Variants in LSM6 observed in about 807,000 individuals in gnomAD.
LSM6 encodes LSM6 homolog, U6 small nuclear RNA and mRNA degradation associated.
A neutral mutation model predicts 13.5 loss-of-function variants in LSM6; 2 were observed. The ratio of observed to expected loss-of-function variants is 0.15; its 90% CI spans 0.06 to 0.47. LSM6 has a LOEUF of 0.47. Ranked by LOEUF, LSM6 falls within the 20% of genes least tolerant of loss-of-function variation. The pLI is 0.97. For missense variants in LSM6, 58 were observed against 96.4 expected, an observed-to-expected ratio of 0.60 and a Z score of 1.67; for synonymous variants, 43 against 34.9, an observed-to-expected ratio of 1.23 and a Z score of -0.82.
chr4:146,178,516 T>G lies in LSM6; in HGVS notation c.-11+2705T>G, dbSNP rs539067181. Among the ~76,000 whole-genome samples, 6 of 152,360 alleles carry G rather than the reference T, an allele frequency of 3.9e-5. No homozygotes were observed. In the South Asian group the frequency reaches 1.2e-3, roughly 32 times the overall value. On this transcript the variant is annotated intron_variant, in intron 1 of 3. Transcript: ENST00000296581. ...CCTATCTGATCGCCTCCTCAGACAC[T>G]GATCTATTAGTCTAGTGCTGCAATT... is the stretch of plus-strand genomic sequence containing the variant.
At chr4:146,182,248 G>A (rs1398219381) in intron 1 of LSM6, among the ~76,000 whole-genome samples, 2 of 152,108 alleles carry the variant, frequency 1.3e-5, no homozygotes, top group African/African-American at 4.8e-5. Flanking sequence ...AAAGTTCTTG[G>A]AAAAGTGCTG....
chr4:146,180,004 G>C (rs975436791), intron 1 of LSM6, among the ~76,000 whole-genome samples: 11 of 152,192 alleles, frequency 7.2e-5, no homozygotes, highest in African/African-American at 2.7e-4. Context: ...ACAGCTCCCT[G>C]CCGCAGAGGC....
At chr4:146,177,427 A>G (rs1270620190) in intron 1 of LSM6, among the ~76,000 whole-genome samples, 1 of 152,226 alleles carries the variant, frequency 6.6e-6, no homozygotes, top group African/African-American at 2.4e-5. Flanking sequence ...GGCCAAGACT[A>G]GAAATCCATT....
At chr4:146,185,925 C>T (rs552166915) in intron 2 of LSM6, among the ~76,000 whole-genome samples, 2 of 151,940 alleles carry the variant, frequency 1.3e-5, no homozygotes, top group South Asian at 2.1e-4. Flanking sequence ...TTAGTAGAGA[C>T]GGGGTTTCGC....
In LSM6 at chr4:146,189,664, A is replaced by AAG; in HGVS notation, c.*13_*14dup. On this transcript the variant is annotated 3_prime_UTR_variant, in exon 4 of 4. Coordinates refer to ENST00000296581, the MANE Select transcript of LSM6 (RefSeq NM_007080.3). The stretch of plus-strand genomic sequence containing the variant: ...CAGAAGAGACGGATGTGAAGACACC[A>AAG]AGAGAGCAACGCTTTTCATAGTTGG... 6.3e-7 allele frequency: 1 copy of AAG among 1,596,042 alleles called. No individual in the cohort carries two copies. The highest frequency in any genetic ancestry group is 8.5e-7 in the Non-Finnish European group (1 of 1,170,204).
intron 1 of LSM6, among the ~76,000 whole-genome samples, chr4:146,177,542 G>A (rs760690688): frequency 5.9e-5 from 9 of 152,118 alleles, no homozygotes; most frequent in African/African-American, 9.7e-5. Context: ...CCATCATTTG[G>A]TTAGAATGTA....
chr4:146,178,559 T>C (rs967236995), intron 1 of LSM6, among the ~76,000 whole-genome samples: 1 of 152,248 alleles, frequency 6.6e-6, no homozygotes, highest in African/African-American at 2.4e-5. Flanking sequence ...TTGTAATGTT[T>C]CCTTGCAATT....
intron 1 of LSM6, among the ~76,000 whole-genome samples, chr4:146,178,749 A>G (rs1315891585): frequency 6.6e-6 from 1 of 152,232 alleles, no homozygotes; most frequent in Non-Finnish European, 1.5e-5. Context: ...GCTAATTTAC[A>G]GCACTTTGTC....
At chr4:146,188,143 A>C (rs1730388589) in intron 3 of LSM6, among the ~76,000 whole-genome samples, 1 of 152,186 alleles carries the variant, frequency 6.6e-6, no homozygotes, top group East Asian at 1.9e-4. Context: ...TTATAATAAG[A>C]GTCTGTCCCC....
intron 1 of LSM6, among the ~76,000 whole-genome samples, chr4:146,178,386 A>G (rs922055671): frequency 1.3e-5 from 2 of 152,192 alleles, no homozygotes; most frequent in African/African-American, 4.8e-5. Context: ...AGAGGGAGAG[A>G]AGTAGCCCCT....
At chr4:146,183,189 C>CT (rs1425351100) in intron 2 of LSM6, 174 bp downstream of exon 2, 11 of 507,556 alleles carry the variant, frequency 2.2e-5, no homozygotes, top group Admixed American at 9.6e-5. Flanking sequence ...AAGGACAACT[C>CT]TGACAGTATA....
chr4:146,180,455 C>T (rs765113114), intron 1 of LSM6, among the ~76,000 whole-genome samples: 1 of 152,168 alleles, frequency 6.6e-6, no homozygotes, highest in Non-Finnish European at 1.5e-5. Context: ...AAGAACATAT[C>T]TGTGTTTATA....
At position 146,189,757 on chromosome 4, in the gene LSM6, A is replaced by G. The variant is rs1730429209; in HGVS notation, c.*101A>G. 1 of 770,940 alleles carries G rather than the reference A, an allele frequency of 1.3e-6. No individual in the cohort carries two copies. Among genetic ancestry groups the G allele is most frequent in the East Asian group, 2.6e-5 (1 of 37,800 alleles). The allele number at this position is 770,940 out of a possible 1,614,324, so 47.8% of individuals were successfully genotyped here. A position where few individuals can be genotyped will look rare whatever the true frequency, so the allele number is the denominator to read the frequency against. On this transcript the variant is annotated 3_prime_UTR_variant, in exon 4 of 4. Transcript: ENST00000296581. Reference sequence around the variant, plus strand: ...TGATACAATTTGTCCTCTTTTTATAATAGTTGGTGATTTTTCACTGACATG... The same window carrying G: ...TGATACAATTTGTCCTCTTTTTATAGTAGTTGGTGATTTTTCACTGACATG...
chr4:146,183,073 T>G lies in LSM6; in HGVS notation c.94+58T>G, dbSNP rs577740140. 4 of 1,246,530 alleles carry G rather than the reference T, an allele frequency of 3.2e-6. No individual in the cohort carries two copies. In the African/African-American group the frequency reaches 5.9e-5, roughly 18 times the overall value. 77.2% of individuals were successfully genotyped at this position (1,246,530 alleles called of 1,614,324 possible). On this transcript the variant is annotated intron_variant, in intron 2 of 3. Coordinates refer to ENST00000296581, the MANE Select transcript of LSM6 (RefSeq NM_007080.3). ...AACTGAATAAGTAAATGTGACTTAC[T>G]GATATTTATTAACCTCTTAAGTATA...
intron 1 of LSM6, among the ~76,000 whole-genome samples, chr4:146,182,519 C>G (rs1168690413): frequency 6.6e-6 from 1 of 152,174 alleles, no homozygotes; most frequent in African/African-American, 2.4e-5. Flanking sequence ...TTATAAAGAC[C>G]TTAGCAGAAT....
intron 1 of LSM6, among the ~76,000 whole-genome samples, chr4:146,177,920 G>T (rs1330976233): frequency 1.3e-5 from 2 of 152,188 alleles, no homozygotes; most frequent in African/African-American, 4.8e-5. Context: ...ATTATCTGGA[G>T]AACTTTATAA....
At chr4:146,178,435 A>C (rs886649972) in intron 1 of LSM6, among the ~76,000 whole-genome samples, 1 of 152,230 alleles carries the variant, frequency 6.6e-6, no homozygotes, top group African/African-American at 2.4e-5. Flanking sequence ...AGCCTTCAAA[A>C]GACAGCGAGG....
intron 2 of LSM6, among the ~76,000 whole-genome samples, chr4:146,186,125 A>G (rs943900032): frequency 6.6e-6 from 1 of 152,210 alleles, no homozygotes; most frequent in African/African-American, 2.4e-5. Flanking sequence ...TTATAATTGC[A>G]GTTTGTATGT....
chr4:146,190,857 C>T lies in LSM6; in HGVS notation c.*1201C>T, dbSNP rs1009926245. On this transcript the variant is annotated 3_prime_UTR_variant, in exon 4 of 4. Transcript: ENST00000296581. ...TAAATAGCATTCCTATTTCAGGAGC[C>T]GATGGTGTGATTCGAAACAACTGCT... The T allele has an allele frequency of 6.6e-5, 10 of 152,060 alleles. No homozygotes were observed. The highest frequency in any genetic ancestry group is 2.6e-4 in the Admixed American group (4 of 15,286). 9.4% of individuals were successfully genotyped at this position (152,060 alleles called of 1,614,324 possible). A position where few individuals can be genotyped will look rare whatever the true frequency, so the allele number is the denominator to read the frequency against.
Sources: gnomAD v4.1 joint callset for allele counts (sites outside exome capture counted in the v4.1 genomes callset) on GRCh38, gnomAD v4.1.1 for gene constraint, MANE v1.5 for transcripts, NCBI Gene and HGNC (gene_info 2026-07-23, HGNC 2026-07-21) for gene names.